LCOR: variants seen among roughly 807,000 people sequenced by gnomAD.
LCOR encodes ligand-dependent corepressor.
LCOR carries 14 observed loss-of-function variants against 64.4 expected under a neutral mutation model. The ratio of observed to expected loss-of-function variants is 0.22; its 90% CI spans 0.14 to 0.34. The LOEUF is 0.34. Ranked by LOEUF, LCOR falls within the 10% of genes least tolerant of loss-of-function variation. The probability of loss-of-function intolerance (pLI) is 1.00; values close to 1 mark genes in which losing one functional copy is unlikely to be tolerated. For missense variants in LCOR, 1,686 were observed against 1,765.3 expected, an observed-to-expected ratio of 0.96 and a Z score of 0.80; for synonymous variants, 643 against 642.5, an observed-to-expected ratio of 1.00 and a Z score of -0.01.
chr10:96,905,143 A>T (rs540610264), intron 2 of LCOR, among the ~76,000 whole-genome samples: 108 of 152,186 alleles, frequency 7.1e-4, no homozygotes, highest in African/African-American at 2.5e-3. Context: ...TCTTCTGCCC[A>T]ATTTTCTTAT....
chr10:96,897,069 GAGAGAA>G lies in LCOR; in HGVS notation c.-329-10174_-329-10169del, dbSNP rs537024870. On this transcript the variant is annotated intron_variant, in intron 2 of 7. Coordinates refer to ENST00000421806, the MANE Select transcript of LCOR (RefSeq NM_001346516.2). ...CCAAGGAATGAGAGAGAGAGAGAGA[GAGAGAA>G]AGAGAAAGAGAAAGAGAAAGAAAAG... Among the ~76,000 whole-genome samples the G allele has an allele frequency of 4.5e-3, 521 of 116,394 alleles. 4 individuals carry two copies. Among genetic ancestry groups the G allele is most frequent in the Non-Finnish European group, 5.3e-3 (303 of 57,592 alleles). The allele number at this position is 116,394 out of a possible 152,430, so 76.4% of individuals were successfully genotyped here.
chr10:96,958,116 AG>A (rs1414883924), intron 7 of LCOR: 1 of 1,153,308 alleles, frequency 8.7e-7, no homozygotes, highest in Non-Finnish European at 1.1e-6. Flanking sequence ...TTGCAGCCAT[AG>A]TACCTTTTTG....
intron 7 of LCOR, among the ~76,000 whole-genome samples, chr10:96,978,428 C>T (rs1430008005): frequency 6.6e-6 from 1 of 152,214 alleles, no homozygotes; most frequent in Middle Eastern, 3.2e-3. Flanking sequence ...TAGCTGCTTT[C>T]GTCTTTTCTT....
intron 2 of LCOR, among the ~76,000 whole-genome samples, chr10:96,859,256 C>T (rs1230319545): frequency 6.6e-6 from 1 of 152,168 alleles, no homozygotes; most frequent in Non-Finnish European, 1.5e-5. Context: ...TGTTGCCCGG[C>T]TGGAGTGCAA....
chr10:96,926,212 T>G (rs1847164995), intron 4 of LCOR, among the ~76,000 whole-genome samples: 1 of 152,216 alleles, frequency 6.6e-6, no homozygotes, highest in Non-Finnish European at 1.5e-5. Flanking sequence ...CATCAGCCAT[T>G]GGGCAGTAGC....
rs1191777538 is a variant in LCOR, at chr10:96,920,784, ACACACACG to A, written c.-184+13039_-184+13046del. 1.8e-3 allele frequency among the ~76,000 whole-genome samples: 208 copies of A among 113,070 alleles called. 6 individuals are homozygous for A. Among genetic ancestry groups the A allele is most frequent in the African/African-American group, 2.1e-3 (46 of 21,640 alleles). 74.2% of individuals were successfully genotyped at this position (113,070 alleles called of 152,430 possible). Reference sequence around the variant, plus strand: ...CACACACACACACACACACACACACACACACACGCGCGGTGGGGGGGTGGTGGGCGGGA... The same window carrying A: ...CACACACACACACACACACACACACACGCGGTGGGGGGGTGGTGGGCGGGA... On this transcript the variant is annotated intron_variant, in intron 4 of 7. Coordinates refer to ENST00000421806, the MANE Select transcript of LCOR (RefSeq NM_001346516.2).
intron 7 of LCOR, chr10:96,960,203 TC>T (rs1482829824): frequency 2.0e-5 from 3 of 152,304 alleles, no homozygotes; most frequent in Non-Finnish European, 4.4e-5. Flanking sequence ...CTATCTGTTC[TC>T]CCCCTACCCC....
chr10:96,907,570 T>C (rs1846751185), intron 3 of LCOR, 98 bp from the exon 4 acceptor site: 1 of 396,254 alleles, frequency 2.5e-6, no homozygotes, highest in Non-Finnish European at 3.4e-6. Flanking sequence ...ATGGCCTAAC[T>C]ACTTAGTTTT....
chr10:96,920,233 G>T (rs1847024321), intron 4 of LCOR, among the ~76,000 whole-genome samples: 1 of 151,454 alleles, frequency 6.6e-6, no homozygotes, highest in African/African-American at 2.4e-5. Context: ...TGTGGTTTTG[G>T]TTTGCAGTTC....
chr10:96,848,938 AATAG>A lies in LCOR; in HGVS notation c.-330+15462_-330+15465del, dbSNP rs766080380. On this transcript the variant is annotated intron_variant, in intron 2 of 7. Coordinates refer to ENST00000421806, the MANE Select transcript of LCOR (RefSeq NM_001346516.2). ...TCCTTGTTTTTGTGCATATAAAATA[AATAG>A]ATCTATGTTTTTGAAACTATCAAGA... Among the ~76,000 whole-genome samples the A allele has an allele frequency of 9.3e-5, 14 of 150,652 alleles. No homozygotes were observed. The South Asian group carries it at 2.3e-3, about 25-fold the overall frequency.
rs555491371 is a variant in LCOR at position 96,920,547 on chromosome 10, C to CAT, written c.-184+12807_-184+12808dup. Among the ~76,000 whole-genome samples the CAT allele has an allele frequency of 9.4e-3, 1,237 of 131,078 alleles. 43 individuals carry two copies. The highest frequency in any genetic ancestry group is 0.031 in the African/African-American group (1,051 of 33,790). The allele number at this position is 131,078 out of a possible 152,430, so 86.0% of individuals were successfully genotyped here. On this transcript the variant is annotated intron_variant, in intron 4 of 7. Coordinates refer to ENST00000421806, the MANE Select transcript of LCOR (RefSeq NM_001346516.2). ...ATATGTGTATATATGTATGTATATTCATATATATGTGTATATATGTATGTA... is the reference window on the plus strand; with the variant it reads ...ATATGTGTATATATGTATGTATATTCATATATATATGTGTATATATGTATGTA...
chr10:96,975,781 G>T lies in LCOR; in HGVS notation c.333-5012G>T, dbSNP rs576106269. On this transcript the variant is annotated intron_variant, in intron 7 of 7. Transcript: ENST00000421806. The stretch of plus-strand genomic sequence containing the variant: ...TGTAATCCCAGCACTTTGGGAGGCT[G>T]AGGCAGGTGGATCACCTGAGGTCAG... 8.5e-4 allele frequency among the ~76,000 whole-genome samples: 130 copies of T among 152,176 alleles called. 1 individual carries two copies. Among genetic ancestry groups the T allele is most frequent in the African/African-American group, 2.9e-3 (120 of 41,526 alleles).
intron 7 of LCOR, among the ~76,000 whole-genome samples, chr10:96,975,485 C>G (rs961937977): frequency 2.6e-5 from 4 of 151,742 alleles, no homozygotes; most frequent in African/African-American, 9.7e-5. Flanking sequence ...CATACACAGC[C>G]TAACAACCAC....
rs143052735 is a variant in LCOR, at chr10:96,856,044, A to G, written c.-330+22565A>G. On this transcript the variant is annotated intron_variant, in intron 2 of 7. Transcript: ENST00000421806. ...CAGGCGTGAGACATAGCCCCTGGCC[A>G]TCTATTGCTGTTTTTATTTTATTTT... Among the ~76,000 whole-genome samples, 159 of 151,788 alleles carry G rather than the reference A, an allele frequency of 1.0e-3. 1 individual carries two copies. In the East Asian group the frequency reaches 0.03, roughly 29 times the overall value.
At chr10:96,879,851 C>T (rs1228861329) in intron 2 of LCOR, among the ~76,000 whole-genome samples, 1 of 152,078 alleles carries the variant, frequency 6.6e-6, no homozygotes, top group Non-Finnish European at 1.5e-5. Context: ...TTAGTAGAGG[C>T]GGGGTTTCGC....
Position 96,907,717 on chromosome 10 carries a change from A to T in LCOR, c.-214A>T, listed in dbSNP as rs1409698523. Reference sequence around the variant, plus strand: ...ATTGGACTTTTGATGAAAACTGTTTATTCTGTTGCTTGAGAAGAGATAAAG... The same window carrying T: ...ATTGGACTTTTGATGAAAACTGTTTTTTCTGTTGCTTGAGAAGAGATAAAG... On this transcript the variant is annotated 5_prime_UTR_variant, in exon 4 of 8. Transcript: ENST00000421806. 1 of 984,218 alleles carries T rather than the reference A, an allele frequency of 1.0e-6. No homozygotes were observed. Among genetic ancestry groups the T allele is most frequent in the Non-Finnish European group, 1.2e-6 (1 of 828,576 alleles). 61.0% of individuals were successfully genotyped at this position (984,218 alleles called of 1,614,324 possible). A position where few individuals can be genotyped will look rare whatever the true frequency, so the allele number is the denominator to read the frequency against.
intron 2 of LCOR, among the ~76,000 whole-genome samples, chr10:96,906,894 A>G (rs1293693744): frequency 6.6e-6 from 1 of 152,206 alleles, no homozygotes; most frequent in East Asian, 1.9e-4. Context: ...TATTTTAGAA[A>G]GTTGTGGAAA....
chr10:96,835,057 C>A (rs1845418894), intron 2 of LCOR, among the ~76,000 whole-genome samples: 1 of 152,148 alleles, frequency 6.6e-6, no homozygotes, highest in Admixed American at 6.5e-5. Flanking sequence ...TGCGCCACCA[C>A]GCCCAGCTAA....
chr10:96,872,544 G>T (rs1846089654), intron 2 of LCOR, among the ~76,000 whole-genome samples: 1 of 152,106 alleles, frequency 6.6e-6, no homozygotes, highest in African/African-American at 2.4e-5. Context: ...AATCAGCTGG[G>T]CTTGGTGGTA....
Sources: gnomAD v4.1 joint callset for allele counts (sites outside exome capture counted in the v4.1 genomes callset) on GRCh38, gnomAD v4.1.1 for gene constraint, MANE v1.5 for transcripts, NCBI Gene and HGNC (gene_info 2026-07-23, HGNC 2026-07-21) for gene names.